The following PPFIA2 variants were observed in gnomAD, a reference collection of about 807,000 sequenced individuals.
PPFIA2 encodes the protein PPFI scaffold protein A2.
A neutral mutation model predicts 175.5 loss-of-function variants in PPFIA2; 46 were observed. The observed-to-expected ratio is 0.26, with a 90% CI of 0.21 to 0.34. PPFIA2 has a LOEUF of 0.34. Among genes scored for constraint, PPFIA2 ranks in the 10% least tolerant of loss-of-function variants. PPFIA2 has a pLI of 1.00. For missense variants in PPFIA2, 1,179 were observed against 1,506.1 expected, an observed-to-expected ratio of 0.78 and a Z score of 3.60; for synonymous variants, 568 against 511.4, an observed-to-expected ratio of 1.11 and a Z score of -1.49.
At chr12:81,708,231 T>C (rs2077465262) in intron 3 of PPFIA2, among the ~76,000 whole-genome samples, 1 of 152,012 alleles carries the variant, frequency 6.6e-6, no homozygotes, top group African/African-American at 2.4e-5. Flanking sequence ...AAATGTATAG[T>C]AATAATATAC....
intron 3 of PPFIA2, among the ~76,000 whole-genome samples, chr12:81,691,977 T>C (rs373056502): frequency 6.6e-6 from 1 of 152,036 alleles, no homozygotes. Context: ...TACATGTAGA[T>C]GTTTAGGCCT....
intron 8 of PPFIA2, among the ~76,000 whole-genome samples, chr12:81,404,636 G>C (rs2042613536): frequency 6.6e-6 from 1 of 152,106 alleles, no homozygotes; most frequent in African/African-American, 2.4e-5. Flanking sequence ...TAAAATACAT[G>C]GATAAAGGCT....
chr12:81,717,506 T>C (rs1404515538), intron 3 of PPFIA2, among the ~76,000 whole-genome samples: 2 of 151,660 alleles, frequency 1.3e-5, no homozygotes, highest in African/African-American at 2.4e-5. Context: ...GTAAAGGTGC[T>C]GGGTGTACTT....
chr12:81,590,732 G>A (rs2058580079), intron 4 of PPFIA2, among the ~76,000 whole-genome samples: 1 of 152,062 alleles, frequency 6.6e-6, no homozygotes, highest in African/African-American at 2.4e-5. Flanking sequence ...CTCTTTGCCT[G>A]CCACCATCTA....
intron 4 of PPFIA2, among the ~76,000 whole-genome samples, chr12:81,676,466 C>T (rs925851101): frequency 1.5e-4 from 23 of 151,888 alleles, no homozygotes; most frequent in African/African-American, 5.6e-4. Flanking sequence ...AAATATATTG[C>T]AACCCAAATA....
At chr12:81,714,263 A>G (rs1159674457) in intron 3 of PPFIA2, among the ~76,000 whole-genome samples, 1 of 151,196 alleles carries the variant, frequency 6.6e-6, no homozygotes. Flanking sequence ...GGTAGAGCAA[A>G]GATGATTAAG....
intron 7 of PPFIA2, among the ~76,000 whole-genome samples, chr12:81,414,264 A>G (rs1452371737): frequency 6.6e-6 from 1 of 151,714 alleles, no homozygotes; most frequent in African/African-American, 2.4e-5. Flanking sequence ...TCAGGACTAC[A>G]AGTTTGTGGT....
intron 3 of PPFIA2, among the ~76,000 whole-genome samples, chr12:81,709,255 C>G (rs1379802262): frequency 6.6e-6 from 1 of 152,106 alleles, no homozygotes; most frequent in Non-Finnish European, 1.5e-5. Flanking sequence ...ATTTAAGTCT[C>G]AGTTCAAAGA....
At chr12:81,312,758 C>T (rs904883314) in intron 22 of PPFIA2, among the ~76,000 whole-genome samples, 6 of 152,090 alleles carry the variant, frequency 3.9e-5, no homozygotes, top group South Asian at 2.1e-4. Context: ...TCAACACAAT[C>T]CCTGGCAATA....
intron 4 of PPFIA2, among the ~76,000 whole-genome samples, chr12:81,570,031 T>C (rs2072190626): frequency 6.6e-6 from 1 of 152,164 alleles, no homozygotes; most frequent in Non-Finnish European, 1.5e-5. Context: ...TAGCCAGTTA[T>C]CCTGAATTAT....
chr12:81,320,435 T>C (rs1162829080), intron 22 of PPFIA2, among the ~76,000 whole-genome samples: 3 of 152,098 alleles, frequency 2.0e-5, no homozygotes, highest in African/African-American at 7.2e-5. Flanking sequence ...ATTTTAATGA[T>C]ATTGAAAAAT....
chr12:81,500,715 T>C (rs1399476770), intron 4 of PPFIA2, among the ~76,000 whole-genome samples: 5 of 152,206 alleles, frequency 3.3e-5, no homozygotes, highest in Admixed American at 1.3e-4. Flanking sequence ...CCCAGAGACA[T>C]AGAGTTTCCG....
At chr12:81,434,186 G>A (rs1374224646) in intron 7 of PPFIA2, among the ~76,000 whole-genome samples, 1 of 151,982 alleles carries the variant, frequency 6.6e-6, no homozygotes, top group Non-Finnish European at 1.5e-5. Context: ...GAACACTGAA[G>A]AAATTTTCGA....
intron 4 of PPFIA2, among the ~76,000 whole-genome samples, chr12:81,575,166 C>A (rs1468116252): frequency 2.0e-5 from 3 of 151,736 alleles, no homozygotes; most frequent in Non-Finnish European, 4.4e-5. Flanking sequence ...TTTGTAAATG[C>A]ACGTTTAATC....
chr12:81,537,553 T>C (rs1159910377), intron 4 of PPFIA2, among the ~76,000 whole-genome samples: 2 of 151,794 alleles, frequency 1.3e-5, no homozygotes, highest in Non-Finnish European at 2.9e-5. Flanking sequence ...ACCAATGTTT[T>C]GTGGACCACT....
intron 4 of PPFIA2, among the ~76,000 whole-genome samples, chr12:81,497,044 G>A (rs886191718): frequency 6.6e-6 from 1 of 152,124 alleles, no homozygotes; most frequent in Non-Finnish European, 1.5e-5. Flanking sequence ...GTAATAAAAA[G>A]TTGTCATAAT....
intron 4 of PPFIA2, among the ~76,000 whole-genome samples, chr12:81,643,091 T>C (rs1016076657): frequency 1.3e-5 from 2 of 149,214 alleles, no homozygotes; most frequent in Non-Finnish European, 3.0e-5. Flanking sequence ...TATGTGTATA[T>C]ATATTTCATA....
chr12:81,666,957 A>G (rs1433667124), intron 4 of PPFIA2, among the ~76,000 whole-genome samples: 1 of 152,110 alleles, frequency 6.6e-6, no homozygotes, highest in East Asian at 1.9e-4. Context: ...TATATAAAAT[A>G]TGGTTTGCAC....
chr12:81,410,148 C>G (rs73356647), intron 7 of PPFIA2, among the ~76,000 whole-genome samples: 28,694 of 152,082 alleles, frequency 0.19, 2,815 homozygotes, highest in Middle Eastern at 0.23. Context: ...TCTGCTGATG[C>G]CTTGATGTTG....
Sources: gnomAD v4.1 joint callset for allele counts (sites outside exome capture counted in the v4.1 genomes callset) on GRCh38, gnomAD v4.1.1 for gene constraint, MANE v1.5 for transcripts, NCBI Gene and HGNC (gene_info 2026-07-23, HGNC 2026-07-21) for gene names.